Variants in MGAT5 observed in about 807,000 individuals in gnomAD.
MGAT5 encodes alpha-1,6-mannosylglycoprotein 6-beta-N-acetylglucosaminyltransferase, also known as alpha-1,6-mannosylglycoprotein 6-beta-N-acetylglucosaminyltransferase A.
MGAT5 carries 30 observed loss-of-function variants against 94.3 expected under a neutral mutation model. The observed-to-expected ratio is 0.32, with a 90% CI of 0.24 to 0.43. The LOEUF (loss-of-function observed/expected upper bound fraction) is 0.43, where lower values mean the gene tolerates loss of function less well. MGAT5 is among the 20% of genes least tolerant of loss of function. MGAT5 has a pLI of 1.00. For missense variants in MGAT5, 691 were observed against 905.5 expected, an observed-to-expected ratio of 0.76 and a Z score of 3.04; for synonymous variants, 310 against 322.9, an observed-to-expected ratio of 0.96 and a Z score of 0.43.
intron 8 of MGAT5, among the ~76,000 whole-genome samples, chr2:134,346,000 A>G (rs1480944037): frequency 6.6e-6 from 1 of 152,244 alleles, no homozygotes; most frequent in Non-Finnish European, 1.5e-5. Context: ...AACAATGTAA[A>G]TGGCACATAA....
At chr2:134,338,881 A>G (rs1688480315) in intron 6 of MGAT5, among the ~76,000 whole-genome samples, 1 of 151,948 alleles carries the variant, frequency 6.6e-6, no homozygotes, top group Non-Finnish European at 1.5e-5. Context: ...AAATTTGATT[A>G]AATTTGAGCC....
rs141499656 is a variant in MGAT5 at position 134,325,556 on chromosome 2, A to C, written c.573+6817A>C. On this transcript the variant is annotated intron_variant, in intron 4 of 15. Transcript: ENST00000281923. Reference sequence around the variant, plus strand: ...CATCATATCATCTGTTTCAATGTGTATCTCTAAAAGAGACTTTTAAAACAT... The same window carrying C: ...CATCATATCATCTGTTTCAATGTGTCTCTCTAAAAGAGACTTTTAAAACAT... Among the ~76,000 whole-genome samples, 375 of 152,228 alleles carry C rather than the reference A, an allele frequency of 2.5e-3. 6 individuals are homozygous for C. Among genetic ancestry groups the C allele is most frequent in the East Asian group, 0.022 (114 of 5,178 alleles).
chr2:134,400,914 A>G (rs374428762), intron 10 of MGAT5, among the ~76,000 whole-genome samples: 5 of 152,140 alleles, frequency 3.3e-5, no homozygotes, highest in Non-Finnish European at 5.9e-5. Flanking sequence ...GGGTCTGGGA[A>G]GAGCTGTGTT....
intron 2 of MGAT5, among the ~76,000 whole-genome samples, chr2:134,308,121 G>A (rs944108827): frequency 6.6e-6 from 1 of 152,072 alleles, no homozygotes; most frequent in Non-Finnish European, 1.5e-5. Flanking sequence ...TCGAGTAATC[G>A]GTGTACATAA....
chr2:134,283,158 G>T (rs1684803239), intron 2 of MGAT5, among the ~76,000 whole-genome samples: 1 of 152,188 alleles, frequency 6.6e-6, no homozygotes, highest in African/African-American at 2.4e-5. Context: ...GACTCAGGCT[G>T]CTGGGGTTCA....
chr2:134,384,152 G>A (rs1371792822), intron 10 of MGAT5, among the ~76,000 whole-genome samples: 1 of 150,662 alleles, frequency 6.6e-6, no homozygotes, highest in Non-Finnish European at 1.5e-5. Context: ...ATCAGTGGTA[G>A]AGTTGAGTAC....
chr2:134,193,932 C>T (rs762336633), intron 1 of MGAT5, among the ~76,000 whole-genome samples: 6 of 152,108 alleles, frequency 3.9e-5, no homozygotes, highest in Admixed American at 6.5e-5. Context: ...ATAAACTTGC[C>T]TGCTGCTCAG....
intron 1 of MGAT5, among the ~76,000 whole-genome samples, chr2:134,257,256 G>A (rs1683024595): frequency 6.6e-6 from 1 of 152,122 alleles, no homozygotes; most frequent in Non-Finnish European, 1.5e-5. Flanking sequence ...TTTCTGAGAT[G>A]GAGTCTTGCG....
At chr2:134,353,556 A>G (rs1679531355) in intron 9 of MGAT5, among the ~76,000 whole-genome samples, 1 of 152,246 alleles carries the variant, frequency 6.6e-6, no homozygotes, top group African/African-American at 2.4e-5. Flanking sequence ...AAGTAAAGTG[A>G]AAGAATTCAG....
chr2:134,120,136 G>T (rs971642372), upstream of MGAT5: 2 of 153,722 alleles, frequency 1.3e-5, no homozygotes, highest in South Asian at 1.9e-4. Context: ...CGGCCCGCTC[G>T]GCGGCGGCCC....
intron 1 of MGAT5, among the ~76,000 whole-genome samples, chr2:134,174,824 C>T (rs953091194): frequency 2.0e-5 from 3 of 152,206 alleles, no homozygotes; most frequent in South Asian, 2.1e-4. Context: ...CCTCTTGAGC[C>T]GCTTGATGGT....
At chr2:134,239,175 T>A (rs1681827468) in intron 1 of MGAT5, among the ~76,000 whole-genome samples, 1 of 152,032 alleles carries the variant, frequency 6.6e-6, no homozygotes, top group African/African-American at 2.4e-5. Flanking sequence ...ATTTTTTGTA[T>A]TTTTCGTAGA....
intron 10 of MGAT5, among the ~76,000 whole-genome samples, chr2:134,373,448 G>C (rs558249513): frequency 4.6e-5 from 7 of 152,334 alleles, no homozygotes; most frequent in African/African-American, 1.4e-4. Flanking sequence ...AGTCTGAAAG[G>C]CATGGTCTTC....
chr2:134,252,074 T>C (rs145547539), upstream of MGAT5, among the ~76,000 whole-genome samples: 1 of 152,324 alleles, frequency 6.6e-6, no homozygotes, highest in East Asian at 1.9e-4. Context: ...TCTCTCTCTT[T>C]TTCTGGTTGA....
intron 1 of MGAT5, among the ~76,000 whole-genome samples, chr2:134,235,728 G>T (rs35079171): frequency 0.45 from 65,628 of 146,626 alleles, 15,144 homozygotes; most frequent in African/African-American, 0.58. Context: ...AATAATAGGG[G>T]TTTTTTTTTT....
At chr2:134,165,319 T>C (rs1687919890) in intron 1 of MGAT5, among the ~76,000 whole-genome samples, 1 of 152,174 alleles carries the variant, frequency 6.6e-6, no homozygotes, top group African/African-American at 2.4e-5. Flanking sequence ...ATTTAAGACA[T>C]GGATACTCTA....
At chr2:134,132,046 A>C (rs928329078) in intron 1 of MGAT5, among the ~76,000 whole-genome samples, 2 of 152,232 alleles carry the variant, frequency 1.3e-5, no homozygotes, top group African/African-American at 2.4e-5. Flanking sequence ...GGTTGTTGTA[A>C]GCCACTGAGT....
At chr2:134,302,316 T>C (rs1686066163) in intron 2 of MGAT5, among the ~76,000 whole-genome samples, 1 of 152,194 alleles carries the variant, frequency 6.6e-6, no homozygotes, top group African/African-American at 2.4e-5. Flanking sequence ...TCATGTTTAA[T>C]GCATATTGAT....
At chr2:134,391,646 C>A (rs570974903) in intron 10 of MGAT5, among the ~76,000 whole-genome samples, 38 of 152,314 alleles carry the variant, frequency 2.5e-4, no homozygotes, top group Admixed American at 5.2e-4. Context: ...CCACAGGCCT[C>A]ACCTCCTAGT....
Sources: allele counts gnomAD v4.1 joint callset (sites outside exome capture counted in the v4.1 genomes callset), GRCh38; gene constraint gnomAD v4.1.1; transcripts MANE v1.5; gene names NCBI Gene and HGNC (gene_info 2026-07-23, HGNC 2026-07-21).